The following LEKR1 variants were observed in gnomAD, a reference collection of about 807,000 sequenced individuals.
LEKR1 encodes protein LEKR1.
In LEKR1, 59 loss-of-function variants were observed where a neutral mutation model predicts 72.4. The observed-to-expected ratio is 0.82, with a 90% CI of 0.66 to 1.01. LEKR1 has a LOEUF of 1.01. LEKR1 is among the 50% of genes least tolerant of loss of function. The pLI is 0.00. For synonymous variants in LEKR1, 257 were observed against 263.2 expected (o/e 0.98, Z 0.23); for missense variants, 728 against 759.2 (o/e 0.96, Z 0.48).
intron 6 of LEKR1, among the ~76,000 whole-genome samples, chr3:156,967,772 G>A (rs924973229): frequency 1.3e-5 from 2 of 152,132 alleles, no homozygotes; most frequent in African/African-American, 4.8e-5. Flanking sequence ...GAGATACAGA[G>A]AATGCCACAA....
chr3:156,914,305 C>T (rs1308937772), intron 3 of LEKR1, among the ~76,000 whole-genome samples: 1 of 151,148 alleles, frequency 6.6e-6, no homozygotes, highest in African/African-American at 2.5e-5. Flanking sequence ...TAATGCTATC[C>T]CTCCTCTAGT....
At chr3:156,941,139 GA>G (rs34450484) in intron 5 of LEKR1, among the ~76,000 whole-genome samples, 18 of 150,612 alleles carry the variant, frequency 1.2e-4, no homozygotes, top group Non-Finnish European at 2.1e-4. Flanking sequence ...CTATTTTGAG[GA>G]AAAAAAAATC....
Position 156,982,723 on chromosome 3 carries a change from A to G in LEKR1, c.827+3448A>G, listed in dbSNP as rs148822715. On this transcript the variant is annotated intron_variant, in intron 7 of 12. Transcript: ENST00000356539. ...AAGTACTATAATATCTAGATTAATT[A>G]AGGGAACACCTCCCTGAAATAATGA... Among the ~76,000 whole-genome samples the G allele has an allele frequency of 1.6e-3, 245 of 152,318 alleles. 3 individuals carry two copies. In the East Asian group the frequency reaches 0.023, roughly 15 times the overall value.
At chr3:156,910,456 A>C (rs187186311) in intron 3 of LEKR1, among the ~76,000 whole-genome samples, 2 of 152,182 alleles carry the variant, frequency 1.3e-5, no homozygotes, top group African/African-American at 4.8e-5. Context: ...TAATTGAATC[A>C]TGGAGGGATT....
chr3:156,859,633 G>C (rs1716522284), intron 3 of LEKR1, among the ~76,000 whole-genome samples: 1 of 151,904 alleles, frequency 6.6e-6, no homozygotes, highest in South Asian at 2.1e-4. Flanking sequence ...TTTTACTCTT[G>C]GTATTATACA....
At chr3:156,970,445 G>T (rs1418543853) in intron 6 of LEKR1, among the ~76,000 whole-genome samples, 2 of 152,108 alleles carry the variant, frequency 1.3e-5, no homozygotes, top group African/African-American at 4.8e-5. Flanking sequence ...TTTTCTTCTA[G>T]GGTTTTTATG....
chr3:157,033,314 G>A (rs1734750405), intron 12 of LEKR1, among the ~76,000 whole-genome samples: 1 of 152,192 alleles, frequency 6.6e-6, no homozygotes, highest in African/African-American at 2.4e-5. Context: ...TAAGCCTCTT[G>A]TTCCAGTTAG....
intron 10 of LEKR1, among the ~76,000 whole-genome samples, chr3:157,014,288 A>G (rs924825109): frequency 9.9e-5 from 15 of 152,122 alleles, no homozygotes; most frequent in African/African-American, 3.6e-4. Context: ...AATTTCACTA[A>G]TGACCTCATT....
At chr3:156,906,469 A>C (rs770214646) in intron 3 of LEKR1, among the ~76,000 whole-genome samples, 27 of 152,148 alleles carry the variant, frequency 1.8e-4, no homozygotes, top group Admixed American at 7.9e-4. Flanking sequence ...AGTACCCACT[A>C]TTTTCAGGAA....
intron 3 of LEKR1, among the ~76,000 whole-genome samples, chr3:156,882,702 C>T (rs1051585720): frequency 7.9e-5 from 12 of 152,122 alleles, no homozygotes; most frequent in Non-Finnish European, 1.2e-4. Context: ...CACATGCACA[C>T]GTATTTTTAT....
intron 6 of LEKR1, among the ~76,000 whole-genome samples, chr3:156,946,323 C>T (rs531355152): frequency 1.1e-4 from 17 of 151,542 alleles, no homozygotes; most frequent in African/African-American, 3.4e-4. Context: ...ATTAGTTTAT[C>T]AGTTCTAATA....
Position 157,045,607 on chromosome 3 carries a change from C to T in LEKR1, c.1936C>T (p.Pro646Ser), listed in dbSNP as rs373379647. 6 of 1,614,034 alleles carry T rather than the reference C, an allele frequency of 3.7e-6. No homozygotes were observed. Among genetic ancestry groups the T allele is most frequent in the Non-Finnish European group, 5.1e-6 (6 of 1,180,038 alleles). ...LRGVSKPTTF[P>S]TSDKPKRVRS... ...CGGGGTGTCAAAACCCACCACTTTC[C>T]CAACCTCAGATAAGCCGAAGAGGGT... The change falls in exon 13 of 13, where the codon CCA becomes TCA. Residue 646 changes from proline to serine, a missense_variant. Pro to Ser is a moderately conservative substitution (Grantham distance 74). Coordinates refer to ENST00000356539, the MANE Select transcript of LEKR1 (RefSeq NM_001004316.3).
chr3:156,847,611 T>C (rs1306559233), intron 2 of LEKR1, among the ~76,000 whole-genome samples: 3 of 152,246 alleles, frequency 2.0e-5, no homozygotes, highest in Non-Finnish European at 4.4e-5. Context: ...ATATAGGCAC[T>C]AATAATTTGA....
intron 6 of LEKR1, among the ~76,000 whole-genome samples, chr3:156,956,467 C>T (rs372795710): frequency 6.6e-6 from 1 of 151,922 alleles, no homozygotes; most frequent in African/African-American, 2.4e-5. Context: ...AACAGTGTAG[C>T]AAATCCAGAA....
At chr3:156,876,464 G>A (rs1380193977) in intron 3 of LEKR1, among the ~76,000 whole-genome samples, 1 of 151,724 alleles carries the variant, frequency 6.6e-6, no homozygotes, top group African/African-American at 2.4e-5. Flanking sequence ...ATGAGCATTG[G>A]GTGTGTTTCC....
chr3:156,851,360 A>C (rs1715338909), intron 2 of LEKR1, among the ~76,000 whole-genome samples: 1 of 152,208 alleles, frequency 6.6e-6, no homozygotes, highest in Non-Finnish European at 1.5e-5. Context: ...TGATGAGCCT[A>C]AGAAAGGATT....
At chr3:157,015,732 A>G (rs7637445) in intron 10 of LEKR1, among the ~76,000 whole-genome samples, 77,917 of 152,006 alleles carry the variant, frequency 0.51, 22,842 homozygotes, top group South Asian at 0.79. Flanking sequence ...AAGAAAAATC[A>G]ATAAATAAAA....
At chr3:157,000,374 A>T (rs1731910700) in intron 9 of LEKR1, among the ~76,000 whole-genome samples, 2 of 152,194 alleles carry the variant, frequency 1.3e-5, no homozygotes, top group South Asian at 2.1e-4. Context: ...GTATTAGATA[A>T]GAAAAAGGAT....
At chr3:157,018,321 A>G (rs1733541550) in intron 10 of LEKR1, among the ~76,000 whole-genome samples, 1 of 152,230 alleles carries the variant, frequency 6.6e-6, no homozygotes, top group Admixed American at 6.5e-5. Flanking sequence ...TATTGTTAAC[A>G]AACTTGACCT....
Sources: allele counts gnomAD v4.1 joint callset (sites outside exome capture counted in the v4.1 genomes callset), GRCh38; gene constraint gnomAD v4.1.1; transcripts MANE v1.5; gene names NCBI Gene and HGNC (gene_info 2026-07-23, HGNC 2026-07-21).